The following TAFA2 variants were observed in gnomAD, a reference collection of about 807,000 sequenced individuals.
The protein encoded by TAFA2 is TAFA chemokine like family member 2, also known as chemokine-like protein TAFA-2.
A neutral mutation model predicts 18.8 loss-of-function variants in TAFA2; 7 were observed. That is an observed-to-expected ratio of 0.37 (90% CI 0.21 to 0.70). The LOEUF (loss-of-function observed/expected upper bound fraction) is 0.70, where lower values mean the gene tolerates loss of function less well. Among genes scored for constraint, TAFA2 ranks in the 30% least tolerant of loss-of-function variants. TAFA2 has a pLI of 0.53. For synonymous variants in TAFA2, 60 were observed against 54.2 expected (o/e 1.11, Z -0.47); for missense variants, 122 against 158.1 (o/e 0.77, Z 1.23).
intron 2 of TAFA2, among the ~76,000 whole-genome samples, chr12:61,829,634 A>G (rs1406797835): frequency 6.6e-6 from 1 of 151,724 alleles, no homozygotes; most frequent in Non-Finnish European, 1.5e-5. Flanking sequence ...TTTAATAAAT[A>G]TCAAGAAAAA....
intron 4 of TAFA2, among the ~76,000 whole-genome samples, chr12:61,739,642 A>T (rs1868367354): frequency 6.6e-6 from 1 of 152,030 alleles, no homozygotes; most frequent in Non-Finnish European, 1.5e-5. Flanking sequence ...TCCCTTATTC[A>T]TAAGGGAATT....
chr12:62,088,012 G>A (rs1868529882), intron 1 of TAFA2, among the ~76,000 whole-genome samples: 1 of 151,990 alleles, frequency 6.6e-6, no homozygotes, highest in South Asian at 2.1e-4. Flanking sequence ...TGCCCTGTAT[G>A]GTTAGTATCT....
intron 1 of TAFA2, among the ~76,000 whole-genome samples, chr12:61,947,300 A>T (rs1433325316): frequency 7.6e-6 from 1 of 131,552 alleles, no homozygotes; most frequent in Non-Finnish European, 1.6e-5. Context: ...CACTCTGGGG[A>T]CTGTGGTGGG....
At chr12:62,158,755 C>G (rs2062387846) in intron 1 of TAFA2, among the ~76,000 whole-genome samples, 1 of 152,160 alleles carries the variant, frequency 6.6e-6, no homozygotes, top group Non-Finnish European at 1.5e-5. Flanking sequence ...GTTTCCAAGA[C>G]AGTATGGGAA....
intron 2 of TAFA2, among the ~76,000 whole-genome samples, chr12:61,839,235 C>A (rs1038736116): frequency 6.6e-6 from 1 of 151,984 alleles, no homozygotes; most frequent in Non-Finnish European, 1.5e-5. Flanking sequence ...TTTCAGTGGG[C>A]AGACAAAGAA....
intron 1 of TAFA2, among the ~76,000 whole-genome samples, chr12:62,074,179 T>A (rs3910826): frequency 0.019 from 2,864 of 152,364 alleles, 97 homozygotes; most frequent in African/African-American, 0.065. Context: ...ACGAGAAAGA[T>A]AATGTATGGC....
chr12:62,165,939 TCACA>T (rs34593506), intron 1 of TAFA2, among the ~76,000 whole-genome samples: 32,974 of 139,118 alleles, frequency 0.24, 4,044 homozygotes, highest in Non-Finnish European at 0.29. Context: ...TCTCTCTCTC[TCACA>T]CACACACACA....
intron 1 of TAFA2, among the ~76,000 whole-genome samples, chr12:61,875,325 G>A (rs1459161283): frequency 4.0e-5 from 6 of 151,744 alleles, no homozygotes; most frequent in Admixed American, 3.9e-4. Flanking sequence ...TTCTTTCTCT[G>A]CATTTCTGTT....
At chr12:62,149,384 G>C (rs1181194881) in intron 1 of TAFA2, among the ~76,000 whole-genome samples, 2 of 152,012 alleles carry the variant, frequency 1.3e-5, no homozygotes, top group African/African-American at 4.8e-5. Flanking sequence ...AGCTTTCACA[G>C]AGGGGGGAAA....
At chr12:61,766,066 T>C (rs1055731492) in intron 2 of TAFA2, among the ~76,000 whole-genome samples, 6 of 152,090 alleles carry the variant, frequency 3.9e-5, no homozygotes, top group African/African-American at 1.4e-4. Context: ...TCACTTCTAC[T>C]GATTTAGCTT....
At chr12:61,931,745 G>T (rs571404019) in intron 1 of TAFA2, among the ~76,000 whole-genome samples, 1 of 152,234 alleles carries the variant, frequency 6.6e-6, no homozygotes, top group East Asian at 1.9e-4. Context: ...TTTAAAATGT[G>T]CTGTGGGCTT....
At chr12:61,763,106 C>CTAA (rs1869632318) in intron 2 of TAFA2, among the ~76,000 whole-genome samples, 1 of 152,024 alleles carries the variant, frequency 6.6e-6, no homozygotes, top group Admixed American at 6.6e-5. Flanking sequence ...CTGAAGCAAT[C>CTAA]TAATTAACAG....
intron 1 of TAFA2, among the ~76,000 whole-genome samples, chr12:62,072,360 C>T (rs1592318542): frequency 2.6e-5 from 4 of 151,832 alleles, no homozygotes; most frequent in East Asian, 3.9e-4. Flanking sequence ...TCCCAGCTAC[C>T]GAGGAGGCTG....
At chr12:62,060,824 AT>A (rs772601119) in intron 1 of TAFA2, among the ~76,000 whole-genome samples, 5 of 152,198 alleles carry the variant, frequency 3.3e-5, no homozygotes, top group Non-Finnish European at 7.3e-5. Context: ...AAAGTAAAAA[AT>A]GTATTTAAAA....
intron 1 of TAFA2, among the ~76,000 whole-genome samples, chr12:62,087,512 G>C (rs1868504989): frequency 6.6e-6 from 1 of 152,090 alleles, no homozygotes; most frequent in African/African-American, 2.4e-5. Context: ...ACAAGCATTT[G>C]AAGCAGAGAG....
intron 1 of TAFA2, among the ~76,000 whole-genome samples, chr12:62,201,192 C>T (rs1592397969): frequency 6.6e-6 from 1 of 152,244 alleles, no homozygotes; most frequent in East Asian, 1.9e-4. Context: ...CAAACAGAGA[C>T]AGTTTGACTT....
At chr12:61,759,564 A>G (rs561820353) in intron 2 of TAFA2, among the ~76,000 whole-genome samples, 2 of 152,158 alleles carry the variant, frequency 1.3e-5, no homozygotes, top group East Asian at 3.9e-4. Context: ...TGAGAAACAA[A>G]GCCATGTTGT....
chr12:62,054,933 C>T (rs1882147788), intron 1 of TAFA2, among the ~76,000 whole-genome samples: 1 of 152,190 alleles, frequency 6.6e-6, no homozygotes, highest in African/African-American at 2.4e-5. Flanking sequence ...AAATTAGTCT[C>T]ATACATATAG....
chr12:62,214,431 G>A (rs1057502571), intron 1 of TAFA2, among the ~76,000 whole-genome samples: 2 of 152,170 alleles, frequency 1.3e-5, no homozygotes, highest in Admixed American at 6.5e-5. Flanking sequence ...TGATTGTGAG[G>A]CCTCCCCAGC....
Sources: gnomAD v4.1 joint callset for allele counts (sites outside exome capture counted in the v4.1 genomes callset) on GRCh38, gnomAD v4.1.1 for gene constraint, MANE v1.5 for transcripts, NCBI Gene and HGNC (gene_info 2026-07-23, HGNC 2026-07-21) for gene names.